SMAD3: variants seen among roughly 807,000 people sequenced by gnomAD.
The protein encoded by SMAD3 is MAD homolog 3.
SMAD3 carries 12 observed loss-of-function variants against 51.8 expected under a neutral mutation model. The ratio of observed to expected loss-of-function variants is 0.23; its 90% CI spans 0.15 to 0.38. The LOEUF (loss-of-function observed/expected upper bound fraction) is 0.38. Among genes scored for constraint, SMAD3 ranks in the 10% least tolerant of loss-of-function variants. The probability of loss-of-function intolerance (pLI) is 1.00; values close to 1 mark genes in which losing one functional copy is unlikely to be tolerated. For synonymous variants in SMAD3, 238 were observed against 227.7 expected, an observed-to-expected ratio of 1.05 and a Z score of -0.41; for missense variants, 294 against 565.6, an observed-to-expected ratio of 0.52 and a Z score of 4.87.
At chr15:67,184,329 A>G (rs957112876) in intron 6 of SMAD3, among the ~76,000 whole-genome samples, 1 of 151,452 alleles carries the variant, frequency 6.6e-6, no homozygotes, top group Non-Finnish European at 1.5e-5. Flanking sequence ...CTGGCCTTGA[A>G]CTCCTGGCCT....
intron 8 of SMAD3, among the ~76,000 whole-genome samples, chr15:67,189,997 A>G (rs1372828801): frequency 6.6e-6 from 1 of 151,956 alleles, no homozygotes; most frequent in Non-Finnish European, 1.5e-5. Context: ...GGCTGGGCCC[A>G]GATTTCGAGA....
intron 1 of SMAD3, among the ~76,000 whole-genome samples, chr15:67,142,522 G>T (rs1308680313): frequency 6.6e-6 from 1 of 152,114 alleles, no homozygotes; most frequent in Non-Finnish European, 1.5e-5. Context: ...AGTCTTAAGT[G>T]TGTTAAGTGC....
chr15:67,130,271 G>C (rs1486825232), intron 1 of SMAD3, among the ~76,000 whole-genome samples: 1 of 152,092 alleles, frequency 6.6e-6, no homozygotes, highest in African/African-American at 2.4e-5. Context: ...TTTGGAATAG[G>C]GCCTGCTGAC....
At chr15:67,076,080 G>A (rs1960160555) in intron 1 of SMAD3, among the ~76,000 whole-genome samples, 1 of 152,042 alleles carries the variant, frequency 6.6e-6, no homozygotes, top group African/African-American at 2.4e-5. Context: ...TTCCCATCCC[G>A]ACACACTTGC....
chr15:67,101,838 T>C (rs1248880744), intron 1 of SMAD3, among the ~76,000 whole-genome samples: 1 of 152,262 alleles, frequency 6.6e-6, no homozygotes, highest in East Asian at 1.9e-4. Context: ...CATGAGATGA[T>C]GGACGTTAAA....
intron 1 of SMAD3, among the ~76,000 whole-genome samples, chr15:67,073,711 GT>G (rs1204240996): frequency 6.6e-6 from 1 of 152,152 alleles, no homozygotes; most frequent in Non-Finnish European, 1.5e-5. Context: ...TTTCGCTCTT[GT>G]TGCCCAGGCT....
intron 1 of SMAD3, among the ~76,000 whole-genome samples, chr15:67,097,309 A>G (rs1171101450): frequency 6.6e-6 from 1 of 152,098 alleles, no homozygotes; most frequent in Non-Finnish European, 1.5e-5. Context: ...TTGACCTCCC[A>G]GCTCAAGCGA....
At chr15:67,108,042 C>T (rs1411618329) in intron 1 of SMAD3, among the ~76,000 whole-genome samples, 3 of 148,744 alleles carry the variant, frequency 2.0e-5, no homozygotes, top group African/African-American at 7.4e-5. Flanking sequence ...TTCAGCACCT[C>T]CCTGGTTAGA....
intron 1 of SMAD3, among the ~76,000 whole-genome samples, chr15:67,138,761 T>C (rs1337619421): frequency 1.3e-5 from 2 of 152,284 alleles, no homozygotes; most frequent in East Asian, 3.9e-4. Context: ...AACCAAAAAG[T>C]CCAGCTGAGA....
intron 1 of SMAD3, among the ~76,000 whole-genome samples, chr15:67,107,641 C>T (rs774225659): frequency 1.3e-5 from 2 of 152,220 alleles, no homozygotes; most frequent in African/African-American, 2.4e-5. Flanking sequence ...CACTGCCTGT[C>T]GCTGTGGTTA....
At chr15:67,099,694 A>C (rs1960706059) in intron 1 of SMAD3, among the ~76,000 whole-genome samples, 1 of 152,230 alleles carries the variant, frequency 6.6e-6, no homozygotes, top group Admixed American at 6.5e-5. Context: ...ACCACCAGCG[A>C]GGTGTGCTAT....
chr15:67,126,694 G>A (rs1436336877), intron 1 of SMAD3, among the ~76,000 whole-genome samples: 1 of 152,196 alleles, frequency 6.6e-6, no homozygotes, highest in Non-Finnish European at 1.5e-5. Flanking sequence ...CTGGACGGTG[G>A]TTGGCACACA....
At chr15:67,160,568 C>T (rs1424202770) in intron 1 of SMAD3, among the ~76,000 whole-genome samples, 1 of 151,884 alleles carries the variant, frequency 6.6e-6, no homozygotes, top group African/African-American at 2.4e-5. Context: ...GTCAGGAGTT[C>T]GAGACCATCC....
intron 1 of SMAD3, among the ~76,000 whole-genome samples, chr15:67,114,154 G>A (rs1025874787): frequency 1.3e-5 from 2 of 151,610 alleles, no homozygotes; most frequent in Non-Finnish European, 2.9e-5. Context: ...TGGAGTGAAG[G>A]TAAGCAGCAT....
intron 1 of SMAD3, among the ~76,000 whole-genome samples, chr15:67,147,446 G>A (rs1566984450): frequency 6.6e-6 from 1 of 152,050 alleles, no homozygotes; most frequent in Admixed American, 6.6e-5. Context: ...CATGATTCCT[G>A]GAGTAGAAAA....
At chr15:67,156,285 A>G (rs1962281622) in intron 1 of SMAD3, among the ~76,000 whole-genome samples, 2 of 152,200 alleles carry the variant, frequency 1.3e-5, no homozygotes, top group South Asian at 4.1e-4. Flanking sequence ...TTGGTTTTTG[A>G]GTTATTAATG....
intron 1 of SMAD3, among the ~76,000 whole-genome samples, chr15:67,123,686 G>A (rs1245148585): frequency 1.3e-5 from 2 of 152,188 alleles, no homozygotes; most frequent in Non-Finnish European, 2.9e-5. Context: ...CCCAAAATTG[G>A]GAGACGGACA....
At chr15:67,188,939 C>G (rs1272344462) in intron 8 of SMAD3, among the ~76,000 whole-genome samples, 2 of 152,210 alleles carry the variant, frequency 1.3e-5, no homozygotes, top group Non-Finnish European at 2.9e-5. Context: ...AACACAGCCC[C>G]TTGGTTTCTT....
At chr15:67,080,596 G>A (rs996187377) in intron 1 of SMAD3, among the ~76,000 whole-genome samples, 2 of 152,234 alleles carry the variant, frequency 1.3e-5, no homozygotes, top group African/African-American at 4.8e-5. Context: ...CTTTACTTTA[G>A]CTCTGGGCTT....
Sources: allele counts gnomAD v4.1 joint callset (sites outside exome capture counted in the v4.1 genomes callset), GRCh38; gene constraint gnomAD v4.1.1; transcripts MANE v1.5; gene names NCBI Gene and HGNC (gene_info 2026-07-23, HGNC 2026-07-21).